Variants in GCC1 observed in about 807,000 individuals in gnomAD.
GCC1 encodes GRIP and coiled-coil domain containing 1, also known as GRIP and coiled-coil domain-containing protein 1.
A neutral mutation model predicts 62.5 loss-of-function variants in GCC1; 36 were observed. The observed-to-expected ratio is 0.58, with a 90% CI of 0.44 to 0.76. GCC1 has a LOEUF of 0.76. Ranked by LOEUF, GCC1 falls within the 30% of genes least tolerant of loss-of-function variation. The probability of loss-of-function intolerance (pLI) is 0.00; values close to 1 mark genes in which losing one functional copy is unlikely to be tolerated. For synonymous variants in GCC1, 391 were observed against 386.8 expected, an observed-to-expected ratio of 1.01 and a Z score of -0.13; for missense variants, 885 against 948.3, an observed-to-expected ratio of 0.93 and a Z score of 0.88.
rs200831840 is a variant in GCC1, at chr7:127,583,216, G to C, written c.1126C>G (p.Leu376Val). 6.2e-7 allele frequency: 1 copy of C among 1,613,786 alleles called. No individual in the cohort carries two copies. Among genetic ancestry groups the C allele is most frequent in the African/African-American group, 1.3e-5 (1 of 74,980 alleles). Residue 376 changes from leucine (L) to valine (V), a missense_variant, in exon 2 of 2, where the codon CTG (leucine) becomes GTG (valine). Leu to Val is a conservative substitution (Grantham distance 32). Transcript: ENST00000321407. ...LENQISEVSELLGTYEKAKQK... is the reference protein window; with the variant it reads ...LENQISEVSEVLGTYEKAKQK... ...TTGGCTTTCTCGTAGGTGCCTAGCAGCTCAGACACCTCGGATATTTGATTC... is the reference window on the plus strand; with the variant it reads ...TTGGCTTTCTCGTAGGTGCCTAGCACCTCAGACACCTCGGATATTTGATTC...
Position 127,585,174 on chromosome 7 carries a change from C to T in GCC1, c.9G>A (p.Lys3=). ...GGCCGCCCCCGAAATTCATCCCAAA[C>T]TTCTCCATGGAGGGTCTGAACGGAT... The part of the protein sequence containing the change: ME[K]FGMNFGGGPS... Residue 3 remains lysine, a synonymous_variant, in exon 1 of 2, where the codon AAG becomes AAA. Coordinates refer to ENST00000321407, the MANE Select transcript of GCC1 (RefSeq NM_024523.6). The T allele has an allele frequency of 1.3e-6, 2 of 1,599,492 alleles. No individual in the cohort carries two copies. The highest frequency in any genetic ancestry group is 1.7e-6 in the Non-Finnish European group (2 of 1,172,734).
rs1235937150 is a variant in GCC1, at chr7:127,585,190, C to G, written c.-8G>C. On this transcript the variant is annotated 5_prime_UTR_variant, in exon 1 of 2. Coordinates refer to ENST00000321407, the MANE Select transcript of GCC1 (RefSeq NM_024523.6). ...CATCCCAAACTTCTCCATGGAGGGTCTGAACGGATTGCCCCACGTCAGCTT... is the reference window on the plus strand; with the variant it reads ...CATCCCAAACTTCTCCATGGAGGGTGTGAACGGATTGCCCCACGTCAGCTT... 2.5e-6 allele frequency: 4 copies of G among 1,575,530 alleles called. No individual in the cohort carries two copies. In the East Asian group the frequency reaches 6.7e-5, roughly 27 times the overall value.
Position 127,584,632 on chromosome 7 carries a change from G to A in GCC1, c.551C>T (p.Ala184Val), listed in dbSNP as rs1794178130. Residue 184 changes from alanine (A) to valine (V), a missense_variant, in exon 1 of 2, where the codon GCT (alanine) becomes GTT (valine). Transcript: ENST00000321407. Reference protein sequence around the residue: ...TVTQEKSRMEASYLADKKKMK... With the variant: ...TVTQEKSRMEVSYLADKKKMK... ...CTTTTTCTTGTCAGCCAAGTAAGAA[G>A]CCTCCATGCGGGACTTCTCCTGAGT... The A allele has an allele frequency of 1.2e-6, 2 of 1,614,132 alleles. No individual in the cohort carries two copies. The highest frequency in any genetic ancestry group is 1.7e-6 in the Non-Finnish European group (2 of 1,180,026).
In GCC1 at chr7:127,585,233, G is replaced by C; in HGVS notation, c.-51C>G. ...GTCAGCTTTCCAGCAGAACGGGAGA[G>C]GGCCGTGAAGACGCAGGCGGGGGCT... On this transcript the variant is annotated 5_prime_UTR_variant, in exon 1 of 2. Transcript: ENST00000321407. 2 of 1,501,316 alleles carry C rather than the reference G, an allele frequency of 1.3e-6. No individual in the cohort carries two copies. Among genetic ancestry groups the C allele is most frequent in the Non-Finnish European group, 1.8e-6 (2 of 1,122,886 alleles). The allele number at this position is 1,501,316 out of a possible 1,614,324, so 93.0% of individuals were successfully genotyped here. A position where few individuals can be genotyped will look rare whatever the true frequency, so the allele number is the denominator to read the frequency against.
chr7:127,582,744 G>A lies in GCC1; in HGVS notation c.1598C>T (p.Ser533Phe). 2 of 1,614,126 alleles carry A rather than the reference G, an allele frequency of 1.2e-6. No individual in the cohort carries two copies. The highest frequency in any genetic ancestry group is 1.1e-5 in the South Asian group (1 of 91,078). ...QLAELKEKYISLRLSCEELEH... is the reference protein window; with the variant it reads ...QLAELKEKYIFLRLSCEELEH... ...CAGCTCCTCGCAGGAGAGCCGCAGG[G>A]AAATATACTTCTCCTTCAGCTCTGC... The change falls in exon 2 of 2, where the codon TCC (serine) becomes TTC (phenylalanine). Residue 533 changes from serine to phenylalanine, a missense_variant. Transcript: ENST00000321407. The surrounding 1 kb of genome is among the most constrained non-coding windows in gnomAD (Gnocchi z 4.8).
rs905611352 is a variant in GCC1, at chr7:127,581,237, G to C, written c.*777C>G. The C allele has an allele frequency of 6.6e-6, 1 of 152,214 alleles. No individual in the cohort carries two copies. The highest frequency in any genetic ancestry group is 2.4e-5 in the African/African-American group (1 of 41,446). 9.4% of individuals were successfully genotyped at this position (152,214 alleles called of 1,614,324 possible). A position where few individuals can be genotyped will look rare whatever the true frequency, so the allele number is the denominator to read the frequency against. Reference sequence around the variant, plus strand: ...AATGAAAGTTCAACACTGAGGAAAAGATAGCAAAGTCGTTGACTCACAATC... The same window carrying C: ...AATGAAAGTTCAACACTGAGGAAAACATAGCAAAGTCGTTGACTCACAATC... On this transcript the variant is annotated 3_prime_UTR_variant, in exon 2 of 2. Coordinates refer to ENST00000321407, the MANE Select transcript of GCC1 (RefSeq NM_024523.6).
rs376581431 is a variant in GCC1, at chr7:127,585,227, G to C, written c.-45C>G. On this transcript the variant is annotated 5_prime_UTR_variant, in exon 1 of 2. Transcript: ENST00000321407. ...CCCCACGTCAGCTTTCCAGCAGAAC[G>C]GGAGAGGGCCGTGAAGACGCAGGCG... is the stretch of plus-strand genomic sequence containing the variant. The C allele has an allele frequency of 3.3e-6, 5 of 1,513,286 alleles. No individual in the cohort carries two copies. The highest frequency in any genetic ancestry group is 4.4e-6 in the Non-Finnish European group (5 of 1,130,964). The allele number at this position is 1,513,286 out of a possible 1,614,324, so 93.7% of individuals were successfully genotyped here. A position where few individuals can be genotyped will look rare whatever the true frequency, so the allele number is the denominator to read the frequency against.
rs1459053551 is a variant in GCC1 at position 127,584,826 on chromosome 7, G to A, written c.357C>T (p.Asp119=). 3.1e-6 allele frequency: 5 copies of A among 1,614,192 alleles called. No individual in the cohort carries two copies. The highest frequency in any genetic ancestry group is 4.2e-6 in the Non-Finnish European group (5 of 1,180,034). ...GAGGTGGTGGTCCACGGGCCGGTCT[G>A]TCATCTTCTACCCCAAACTCACCCT... ...STKGEFGVED[D]RPARGPPPPK... The change falls in exon 1 of 2, where the codon GAC becomes GAT. Residue 119 remains aspartate, a synonymous_variant. Coordinates refer to ENST00000321407, the MANE Select transcript of GCC1 (RefSeq NM_024523.6).
At position 127,582,585 on chromosome 7, in the gene GCC1, T is replaced by C; in HGVS notation, c.1757A>G (p.His586Arg). 1 of 1,612,262 alleles carries C rather than the reference T, an allele frequency of 6.2e-7. No individual in the cohort carries two copies. The highest frequency in any genetic ancestry group is 1.7e-5 in the Admixed American group (1 of 60,016). ...DRTLKLEEEL[H>R]KQRDRALAVL... ...AGCTAGGGCACGATCCCGCTGCTTG[T>C]GCAGCTCCTCCTCCAGTTTCAGTGT... Residue 586 changes from histidine to arginine, a missense_variant, in exon 2 of 2, where the codon CAC (histidine) becomes CGC (arginine). His to Arg is a conservative substitution (Grantham distance 29). Coordinates refer to ENST00000321407, the MANE Select transcript of GCC1 (RefSeq NM_024523.6). The surrounding 1 kb of genome is among the most constrained non-coding windows in gnomAD (Gnocchi z 4.8).
At position 127,580,716 on chromosome 7, in the gene GCC1, C is replaced by T. The variant is rs1490003139; in HGVS notation, c.*1298G>A. The T allele has an allele frequency of 6.6e-6, 1 of 152,172 alleles. No homozygotes were observed. Among genetic ancestry groups the T allele is most frequent in the Admixed American group, 6.5e-5 (1 of 15,272 alleles). The allele number at this position is 152,172 out of a possible 1,614,324, so 9.4% of individuals were successfully genotyped here. On this transcript the variant is annotated 3_prime_UTR_variant, in exon 2 of 2. Coordinates refer to ENST00000321407, the MANE Select transcript of GCC1 (RefSeq NM_024523.6). ...TGCTCACTGTAGATAATCCAGGTCA[C>T]CCAGCCTCCCATTAAGATTTAATCA...
chr7:127,585,493 G>A lies in GCC1; in HGVS notation c.-311C>T, dbSNP rs1197603092. ...GCCGCTCCGCACTCTCCGCTCGTCT[G>A]GGCCACAGCAGCCCGGGCCGGCCCC... On this transcript the variant is annotated 5_prime_UTR_variant, in exon 1 of 2. Transcript: ENST00000321407. 2.9e-6 allele frequency: 1 copy of A among 343,450 alleles called. No individual in the cohort carries two copies. The highest frequency in any genetic ancestry group is 5.3e-6 in the Non-Finnish European group (1 of 187,624). 21.3% of individuals were successfully genotyped at this position (343,450 alleles called of 1,614,324 possible).
chr7:127,581,508 T>C lies in GCC1; in HGVS notation c.*506A>G, dbSNP rs1184638658. The C allele has an allele frequency of 1.3e-5, 2 of 158,030 alleles. No individual in the cohort carries two copies. Among genetic ancestry groups the C allele is most frequent in the Non-Finnish European group, 2.8e-5 (2 of 71,494 alleles). The allele number at this position is 158,030 out of a possible 1,614,324, so 9.8% of individuals were successfully genotyped here. A position where few individuals can be genotyped will look rare whatever the true frequency, so the allele number is the denominator to read the frequency against. ...CTTAGCCCTTGGGACTAGTGGATGA[T>C]ATGTCACTATTTCAAACTTCCTGGT... On this transcript the variant is annotated 3_prime_UTR_variant, in exon 2 of 2. Transcript: ENST00000321407.
In GCC1 at chr7:127,585,254, G is replaced by C. The variant is rs533112531; in HGVS notation, c.-72C>G. 9 of 1,426,468 alleles carry C rather than the reference G, an allele frequency of 6.3e-6. No individual in the cohort carries two copies. Among genetic ancestry groups the C allele is most frequent in the African/African-American group, 1.4e-5 (1 of 70,144 alleles). The allele number at this position is 1,426,468 out of a possible 1,614,324, so 88.4% of individuals were successfully genotyped here. ...GAGAGGGCCGTGAAGACGCAGGCGG[G>C]GGCTTAAAGAAACAGCGAGCGGGCT... On this transcript the variant is annotated 5_prime_UTR_variant, in exon 1 of 2. Transcript: ENST00000321407.
chr7:127,584,882 A>C lies in GCC1; in HGVS notation c.301T>G (p.Leu101Val), dbSNP rs577776580. 98 of 1,614,138 alleles carry C rather than the reference A, an allele frequency of 6.1e-5. No individual in the cohort carries two copies. In the South Asian group the frequency reaches 9.8e-4, roughly 16 times the overall value. ...CTGGTGAGACTGGCCGCAGTATCCAAGCTAGTGGCGGTCCCAGTGCTATCC... is the reference window on the plus strand; with the variant it reads ...CTGGTGAGACTGGCCGCAGTATCCACGCTAGTGGCGGTCCCAGTGCTATCC... ...SEDSTGTATS[L>V]DTAASLTSTK... Residue 101 changes from leucine to valine, a missense_variant, in exon 1 of 2, where the codon TTG (leucine) becomes GTG (valine). By Grantham distance (32) the Leu-to-Val change is conservative. Transcript: ENST00000321407.
Position 127,581,966 on chromosome 7 carries a change from T to C in GCC1, c.*48A>G. ...GCAGCAGAAACCAGAGCCTGCCCTTTCCCACATAAAAGAGGCACAGAAATT... is the reference window on the plus strand; with the variant it reads ...GCAGCAGAAACCAGAGCCTGCCCTTCCCCACATAAAAGAGGCACAGAAATT... On this transcript the variant is annotated 3_prime_UTR_variant, in exon 2 of 2. Coordinates refer to ENST00000321407, the MANE Select transcript of GCC1 (RefSeq NM_024523.6). 7.0e-7 allele frequency: 1 copy of C among 1,430,046 alleles called. No individual in the cohort carries two copies. The highest frequency in any genetic ancestry group is 1.2e-5 in the South Asian group (1 of 81,152). The allele number at this position is 1,430,046 out of a possible 1,614,324, so 88.6% of individuals were successfully genotyped here. A position where few individuals can be genotyped will look rare whatever the true frequency, so the allele number is the denominator to read the frequency against.
chr7:127,582,157 G>C lies in GCC1; in HGVS notation c.2185C>G (p.Arg729Gly). ...AGGGAGTCAGGTAAGGTCAGGAAGC[G>C]GTAGATGATGTTTTTGAGGTACTCC... Reference protein sequence around the residue: ...NLEYLKNIIYRFLTLPDSLGR... With the variant: ...NLEYLKNIIYGFLTLPDSLGR... The change falls in exon 2 of 2, where the codon CGC (arginine) becomes GGC (glycine). Residue 729 changes from arginine (R) to glycine (G), a missense_variant. Arg to Gly is a moderately radical substitution (Grantham distance 125). Transcript: ENST00000321407. This position sits in a 1 kb window ranked among gnomAD's most constrained non-coding sequence, Gnocchi z 4.8. 4 of 1,614,100 alleles carry C rather than the reference G, an allele frequency of 2.5e-6. 1 individual carries two copies. In the East Asian group the frequency reaches 6.7e-5, roughly 27 times the overall value.
At position 127,582,549 on chromosome 7, in the gene GCC1, T is replaced by G. The variant is rs35125522; in HGVS notation, c.1793A>C (p.Glu598Ala). 1,394 of 1,611,388 alleles carry G rather than the reference T, an allele frequency of 8.7e-4. 4 individuals are homozygous for G. Among genetic ancestry groups the G allele is most frequent in the South Asian group, 1.6e-3 (143 of 91,076 alleles). The change falls in exon 2 of 2, where the codon GAG becomes GCG. Residue 598 changes from glutamate (E) to alanine (A), a missense_variant. Transcript: ENST00000321407. The surrounding 1 kb of genome is among the most constrained non-coding windows in gnomAD (Gnocchi z 4.8). Reference protein sequence around the residue: ...QRDRALAVLTEKDLELEQLRS... With the variant: ...QRDRALAVLTAKDLELEQLRS... ...CAGTTGCTCCAGTTCCAAGTCCTTC[T>G]CGGTGAGCACAGCTAGGGCACGATC...
At position 127,582,249 on chromosome 7, in the gene GCC1, T is replaced by A. The variant is rs1194265978; in HGVS notation, c.2093A>T (p.Glu698Val). ...LLEEGERHRE[E>V]VAALQSHIEK... ...GATGTGGCTCTGCAGGGCTGCAACC[T>A]CCTCACGATGCCGTTCGCCCTCCTC... The change falls in exon 2 of 2, where the codon GAG (glutamate) becomes GTG (valine). Residue 698 changes from glutamate (E) to valine (V), a missense_variant. Glu to Val is a moderately radical substitution (Grantham distance 121, BLOSUM62 -2). Transcript: ENST00000321407. The surrounding 1 kb of genome is among the most constrained non-coding windows in gnomAD (Gnocchi z 4.8). 6.2e-7 allele frequency: 1 copy of A among 1,614,132 alleles called. No homozygotes were observed. Among genetic ancestry groups the A allele is most frequent in the South Asian group, 1.1e-5 (1 of 91,082 alleles).
In GCC1 at chr7:127,583,048, G is replaced by A; in HGVS notation, c.1294C>T (p.Leu432=). 2.5e-6 allele frequency: 4 copies of A among 1,614,112 alleles called. No homozygotes were observed. The highest frequency in any genetic ancestry group is 3.4e-6 in the Non-Finnish European group (4 of 1,180,028). ...GEESSLDVNV[L]KDKMEKLKRL... is the part of the protein sequence containing the mutation. ...TTCAGCTTCTCCATCTTATCTTTCAGGACATTGACATCCAGACTGGACTCC... is the reference window on the plus strand; with the variant it reads ...TTCAGCTTCTCCATCTTATCTTTCAAGACATTGACATCCAGACTGGACTCC... Residue 432 remains leucine, a synonymous_variant, in exon 2 of 2, where the codon CTG becomes TTG. Coordinates refer to ENST00000321407, the MANE Select transcript of GCC1 (RefSeq NM_024523.6).
Sources: allele counts gnomAD v4.1 joint callset, GRCh38; gene constraint gnomAD v4.1.1; non-coding constraint Gnocchi (gnomAD v3.1); transcripts MANE v1.5; gene names NCBI Gene and HGNC (gene_info 2026-07-23, HGNC 2026-07-21).